Variants in PKHD1 observed in about 807,000 individuals in gnomAD.
The protein encoded by PKHD1 is fibrocystin.
In PKHD1, 291 loss-of-function variants were observed where a neutral mutation model predicts 412.0. The ratio of observed to expected loss-of-function variants is 0.71; its 90% CI spans 0.64 to 0.78. The LOEUF (loss-of-function observed/expected upper bound fraction) is 0.78. Ranked by LOEUF, PKHD1 falls within the 30% of genes least tolerant of loss-of-function variation. The pLI, the probability that PKHD1 is intolerant of heterozygous loss-of-function variation, is 0.00. For synonymous variants in PKHD1, 1,777 were observed against 1,821.5 expected (o/e 0.98, Z 0.62); for missense variants, 4,825 against 4,950.7 (o/e 0.97, Z 0.76).
At chr6:51,818,043 G>A (rs745658982) in intron 52 of PKHD1, among the ~76,000 whole-genome samples, 1 of 152,252 alleles carries the variant, frequency 6.6e-6, no homozygotes, top group East Asian at 1.9e-4. Context: ...TTGCAATCAG[G>A]TTACGTTATC....
intron 57 of PKHD1, among the ~76,000 whole-genome samples, chr6:51,752,282 T>A (rs975039670): frequency 1.3e-5 from 2 of 152,182 alleles, no homozygotes; most frequent in South Asian, 2.1e-4. Flanking sequence ...GTGGTCGTCC[T>A]GTGCATGCAA....
intron 51 of PKHD1, among the ~76,000 whole-genome samples, chr6:51,835,678 A>G (rs60601248): frequency 0.015 from 2,269 of 152,298 alleles, 51 homozygotes; most frequent in African/African-American, 0.051. Context: ...TCATAGTCCA[A>G]TAAGCATGGA....
rs997756744 is a variant in PKHD1, at chr6:51,883,100, G to A, written c.7343C>T (p.Ala2448Val). ...CCACACTAAGGCACTTACCTTGTGG[G>A]CAAAATGACCAAGTAATAAGCTGTC... The part of the protein sequence containing the change: ...VTDSLLLGHF[A>V]HKGSLCMSSG... The change falls in exon 46 of 67, where the codon GCC (alanine) becomes GTC (valine). Residue 2448 changes from alanine (A) to valine (V), a missense_variant. Physicochemically the swap from Ala to Val is moderately conservative, Grantham distance 64 (BLOSUM62 0). Transcript: ENST00000371117. The A allele has an allele frequency of 6.2e-7, 1 of 1,612,756 alleles. No individual in the cohort carries two copies. Among genetic ancestry groups the A allele is most frequent in the Non-Finnish European group, 8.5e-7 (1 of 1,179,088 alleles).
At chr6:52,084,459 T>C (rs1812466882) in intron 2 of PKHD1, among the ~76,000 whole-genome samples, 1 of 152,256 alleles carries the variant, frequency 6.6e-6, no homozygotes, top group South Asian at 2.1e-4. Context: ...AGCAATCTAA[T>C]GATTATGACA....
In PKHD1 at chr6:51,891,349, G is replaced by A. The variant is rs569281163; in HGVS notation, c.6997-4104C>T. 4.6e-5 allele frequency among the ~76,000 whole-genome samples: 7 copies of A among 152,042 alleles called. No individual in the cohort carries two copies. In the East Asian group the frequency reaches 5.8e-4, roughly 13 times the overall value. On this transcript the variant is annotated intron_variant, in intron 43 of 66. Coordinates refer to ENST00000371117, the MANE Select transcript of PKHD1 (RefSeq NM_138694.4). Reference sequence around the variant, plus strand: ...GGCTGGAGTGCAATGGCACGATCTCGGCTCACCGCAACCTCCACCTCCCGG... The same window carrying A: ...GGCTGGAGTGCAATGGCACGATCTCAGCTCACCGCAACCTCCACCTCCCGG...
chr6:51,931,426 C>A (rs1282794444), intron 37 of PKHD1, among the ~76,000 whole-genome samples: 3 of 152,184 alleles, frequency 2.0e-5, no homozygotes, highest in African/African-American at 7.2e-5. Context: ...AGACCCACCT[C>A]TGGCCCCGGC....
intron 52 of PKHD1, among the ~76,000 whole-genome samples, chr6:51,794,155 G>A (rs1794208384): frequency 6.6e-6 from 1 of 150,742 alleles, no homozygotes; most frequent in Admixed American, 6.6e-5. Flanking sequence ...TTCTGCCTCA[G>A]CCTCCCGAGT....
chr6:51,886,377 A>G (rs1183880113), intron 44 of PKHD1, among the ~76,000 whole-genome samples: 1 of 152,220 alleles, frequency 6.6e-6, no homozygotes, highest in Non-Finnish European at 1.5e-5. Flanking sequence ...TACAAAAGCC[A>G]AGACATAGAG....
intron 64 of PKHD1, 38 bp from the exon 65 acceptor site, chr6:51,632,761 A>C (rs200489201): frequency 2.4e-5 from 37 of 1,533,236 alleles, no homozygotes; most frequent in Non-Finnish European, 3.3e-5. Context: ...ATGATATGTT[A>C]ATAAGATGCT....
intron 35 of PKHD1, among the ~76,000 whole-genome samples, chr6:51,970,825 C>A (rs1793567241): frequency 6.6e-6 from 1 of 152,108 alleles, no homozygotes; most frequent in Non-Finnish European, 1.5e-5. Context: ...ATTTTAATAC[C>A]AGTACCATGC....
chr6:51,943,049 G>A (rs189465922), intron 36 of PKHD1, among the ~76,000 whole-genome samples: 6 of 151,494 alleles, frequency 4.0e-5, no homozygotes, highest in South Asian at 2.1e-4. Context: ...AGGCCACCAC[G>A]GTCATTTCTT....
chr6:52,012,721 T>C (rs1268408195), intron 34 of PKHD1, among the ~76,000 whole-genome samples: 2 of 152,206 alleles, frequency 1.3e-5, no homozygotes, highest in Non-Finnish European at 2.9e-5. Flanking sequence ...TAGAACCTTT[T>C]TTTGTTACTG....
At chr6:51,890,349 G>A (rs2127568505) in intron 43 of PKHD1, among the ~76,000 whole-genome samples, 1 of 152,162 alleles carries the variant, frequency 6.6e-6, no homozygotes, top group Middle Eastern at 3.4e-3. Flanking sequence ...AAACAAGAGA[G>A]TACAAAGAAA....
chr6:51,931,845 G>A (rs1786649265), intron 37 of PKHD1, among the ~76,000 whole-genome samples: 1 of 150,292 alleles, frequency 6.7e-6, no homozygotes, highest in Admixed American at 6.6e-5. Flanking sequence ...GGAGGGAGAA[G>A]GAGAATAAAG....
At chr6:51,900,064 A>G (rs1386982061) in intron 43 of PKHD1, among the ~76,000 whole-genome samples, 2 of 152,228 alleles carry the variant, frequency 1.3e-5, no homozygotes. Context: ...GGTAGGAAGA[A>G]TCAATATCGT....
intron 66 of PKHD1, among the ~76,000 whole-genome samples, chr6:51,619,823 T>A (rs957171235): frequency 7.3e-5 from 11 of 151,496 alleles, no homozygotes; most frequent in African/African-American, 2.7e-4. Context: ...CAACTCACAC[T>A]TACCAACAGG....
intron 33 of PKHD1, among the ~76,000 whole-genome samples, chr6:52,018,607 G>A (rs998098586): frequency 6.6e-6 from 1 of 152,130 alleles, no homozygotes. Flanking sequence ...TCCGCCTCCC[G>A]GGTTCAAGCA....
rs546272251 is a variant in PKHD1, at chr6:51,728,653, G to T, written c.10156+15732C>A. Among the ~76,000 whole-genome samples the T allele has an allele frequency of 1.1e-4, 17 of 152,254 alleles. No homozygotes were observed. In the South Asian group the frequency reaches 2.9e-3, roughly 26 times the overall value. On this transcript the variant is annotated intron_variant, in intron 60 of 66. Transcript: ENST00000371117. The stretch of plus-strand genomic sequence containing the variant: ...AAACTCCAGAAAGAAACACAATCCT[G>T]CCATTACCTGAATTTTGGCCATCAG...
At chr6:51,814,394 C>T (rs920420265) in intron 52 of PKHD1, among the ~76,000 whole-genome samples, 1 of 152,108 alleles carries the variant, frequency 6.6e-6, no homozygotes, top group Non-Finnish European at 1.5e-5. Context: ...TAAGCCTGCA[C>T]CAATGTTTAC....
Sources: allele counts gnomAD v4.1 joint callset (sites outside exome capture counted in the v4.1 genomes callset), GRCh38; gene constraint gnomAD v4.1.1; transcripts MANE v1.5; gene names NCBI Gene and HGNC (gene_info 2026-07-23, HGNC 2026-07-21).